Variants in OPHN1 observed in about 807,000 individuals in gnomAD.
OPHN1 encodes oligophrenin 1, also known as oligophrenin-1.
A neutral mutation model predicts 60.7 loss-of-function variants in OPHN1; 11 were observed. The ratio of observed to expected loss-of-function variants is 0.18; its 90% CI spans 0.11 to 0.30. The LOEUF is 0.30. Among genes scored for constraint, OPHN1 ranks in the 10% least tolerant of loss-of-function variants. The pLI is 1.00. For synonymous variants in OPHN1, 226 were observed against 222.6 expected, an observed-to-expected ratio of 1.02 and a Z score of -0.14; for missense variants, 449 against 611.0, an observed-to-expected ratio of 0.73 and a Z score of 2.80.
At chrX:68,174,469 CTTTTT>C (rs767690922) in intron 15 of OPHN1, among the ~76,000 whole-genome samples, 1 of 76,342 alleles carries the variant, frequency 1.3e-5, no homozygotes. Flanking sequence ...TTAACTTATT[CTTTTT>C]TTTTTTTTTT....
intron 2 of OPHN1, among the ~76,000 whole-genome samples, chrX:68,391,358 T>G (rs778215384): frequency 9.0e-6 from 1 of 111,651 alleles, no homozygotes; most frequent in Non-Finnish European, 1.9e-5. Context: ...ATTTCTAAAA[T>G]ATCCACAATG....
At chrX:68,195,966 T>C (rs898993144) in intron 12 of OPHN1, among the ~76,000 whole-genome samples, 1 of 111,785 alleles carries the variant, frequency 8.9e-6, no homozygotes, top group Non-Finnish European at 1.9e-5. Flanking sequence ...AATTGAAAGA[T>C]AAATGCCTTG....
chrX:68,155,543 T>C (rs1440541173), intron 15 of OPHN1, among the ~76,000 whole-genome samples: 1 of 112,030 alleles, frequency 8.9e-6, no homozygotes, highest in Non-Finnish European at 1.9e-5. Flanking sequence ...GATCTGTGAG[T>C]CAATTAAACC....
At chrX:68,397,563 C>A (rs2147762901) in intron 2 of OPHN1, among the ~76,000 whole-genome samples, 1 of 98,339 alleles carries the variant, frequency 1.0e-5, no homozygotes, top group Non-Finnish European at 2.0e-5. Flanking sequence ...CACTCTGTTG[C>A]CCCAGTTGGA....
At chrX:68,150,421 CATA>C (rs1449493006) in intron 15 of OPHN1, among the ~76,000 whole-genome samples, 67 of 111,629 alleles carry the variant, frequency 6.0e-4, no homozygotes, top group African/African-American at 2.1e-3. Flanking sequence ...AAAAATGGAA[CATA>C]ATAATAAGTT....
chrX:68,157,647 A>C (rs1685715700), intron 15 of OPHN1, among the ~76,000 whole-genome samples: 1 of 111,644 alleles, frequency 9.0e-6, no homozygotes, highest in Admixed American at 9.5e-5. Flanking sequence ...ACCTGGGTGT[A>C]ACATATGCAT....
At chrX:68,078,975 G>T (rs760422554) in intron 19 of OPHN1, among the ~76,000 whole-genome samples, 1 of 104,044 alleles carries the variant, frequency 9.6e-6, no homozygotes, top group African/African-American at 3.6e-5. Context: ...AACAGAGCAA[G>T]ACTGTCTCAA....
chrX:68,387,265 A>G (rs1293790342), intron 2 of OPHN1, among the ~76,000 whole-genome samples: 2 of 105,734 alleles, frequency 1.9e-5, no homozygotes, highest in African/African-American at 6.9e-5. Flanking sequence ...GCAAGTCGTG[A>G]TGATTCCACT....
At chrX:68,214,019 T>C in intron 6 of OPHN1, 47 bp from the exon 7 acceptor site, 1 of 754,529 alleles carries the variant, frequency 1.3e-6, no homozygotes, top group East Asian at 3.3e-5. Context: ...TATTCATTCA[T>C]GAAAGTCAGT....
chrX:68,075,935 C>A (rs2076952213), intron 19 of OPHN1, among the ~76,000 whole-genome samples: 1 of 109,830 alleles, frequency 9.1e-6, no homozygotes, highest in Admixed American at 9.8e-5. Context: ...ATCTTAGATA[C>A]AATGATTCAT....
chrX:68,295,046 GC>G (rs2078088045), intron 3 of OPHN1, among the ~76,000 whole-genome samples: 1 of 111,409 alleles, frequency 9.0e-6, no homozygotes, highest in African/African-American at 3.3e-5. Context: ...CAAAATGCTC[GC>G]TGATGTTATA....
intron 2 of OPHN1, among the ~76,000 whole-genome samples, chrX:68,370,092 A>T (rs2078520487): frequency 1.0e-5 from 1 of 100,305 alleles, no homozygotes; most frequent in South Asian, 4.8e-4. Context: ...GTCTTTCAAA[A>T]CGGAAGGAGA....
At chrX:68,086,421 C>T (rs1326125946) in intron 19 of OPHN1, among the ~76,000 whole-genome samples, 2 of 111,654 alleles carry the variant, frequency 1.8e-5, no homozygotes, top group African/African-American at 6.5e-5. Flanking sequence ...AAGTTCAAGC[C>T]ATGGGTCAGA....
At chrX:68,227,444 C>T (rs1397322660) in intron 6 of OPHN1, among the ~76,000 whole-genome samples, 1 of 111,431 alleles carries the variant, frequency 9.0e-6, no homozygotes, top group Non-Finnish European at 1.9e-5. Flanking sequence ...CCCAAATCAA[C>T]AGAATATACA....
intron 15 of OPHN1, among the ~76,000 whole-genome samples, chrX:68,173,093 C>T (rs763421767): frequency 1.1e-4 from 12 of 110,679 alleles, no homozygotes; most frequent in Non-Finnish European, 2.1e-4. Context: ...TCCAGTATAA[C>T]TCATGCCTGC....
At chrX:68,432,725 T>G (rs1029690708) in intron 2 of OPHN1, 142 bp downstream of exon 2, 1 of 624,555 alleles carries the variant, frequency 1.6e-6, no homozygotes, top group Non-Finnish European at 2.6e-6. Flanking sequence ...CTATCTCCAC[T>G]CCCCAAGTGT....
intron 2 of OPHN1, among the ~76,000 whole-genome samples, chrX:68,348,666 C>A (rs1602344549): frequency 9.0e-6 from 1 of 111,643 alleles, no homozygotes; most frequent in East Asian, 2.8e-4. Context: ...GAACCTCATG[C>A]AAAATGTTTA....
intron 19 of OPHN1, among the ~76,000 whole-genome samples, chrX:68,081,058 G>A (rs753126002): frequency 2.3e-4 from 26 of 111,695 alleles, no homozygotes; most frequent in Non-Finnish European, 3.6e-4. Context: ...TCTGACAGCA[G>A]AGATTTTTTT....
At chrX:68,420,031 T>A (rs972714254) in intron 2 of OPHN1, among the ~76,000 whole-genome samples, 4 of 111,318 alleles carry the variant, frequency 3.6e-5, no homozygotes, top group Non-Finnish European at 7.5e-5. Flanking sequence ...CTTCACAGAA[T>A]AGCACATAGA....
Sources: allele counts gnomAD v4.1 joint callset (sites outside exome capture counted in the v4.1 genomes callset), GRCh38; gene constraint gnomAD v4.1.1; transcripts MANE v1.5; gene names NCBI Gene and HGNC (gene_info 2026-07-23, HGNC 2026-07-21).